Variants in DACH1 observed in about 807,000 individuals in gnomAD.
DACH1 encodes dachshund family transcription factor 1, also known as dachshund homolog 1.
Under a neutral mutation model 54.2 loss-of-function variants are expected in DACH1, and 12 were observed. The ratio of observed to expected loss-of-function variants is 0.22; its 90% CI spans 0.14 to 0.36. The LOEUF is 0.36. Ranked by LOEUF, DACH1 falls within the 10% of genes least tolerant of loss-of-function variation. The pLI, the probability that DACH1 is intolerant of heterozygous loss-of-function variation, is 1.00. For synonymous variants in DACH1, 386 were observed against 366.2 expected, an observed-to-expected ratio of 1.05 and a Z score of -0.62; for missense variants, 805 against 929.8, an observed-to-expected ratio of 0.87 and a Z score of 1.75.
intron 1 of DACH1, among the ~76,000 whole-genome samples, chr13:71,851,298 TGCTACA>T (rs1873644169): frequency 5.3e-5 from 8 of 152,226 alleles, no homozygotes; most frequent in Admixed American, 1.3e-4. Flanking sequence ...ACCTATTTAC[TGCTACA>T]GTTAAAACTC....
intron 1 of DACH1, among the ~76,000 whole-genome samples, chr13:71,832,111 T>G (rs1326188675): frequency 1.3e-5 from 2 of 151,958 alleles, no homozygotes; most frequent in African/African-American, 2.4e-5. Context: ...TTATTTCTAT[T>G]GAGAAGCATT....
At chr13:71,649,636 T>C (rs957329823) in intron 2 of DACH1, among the ~76,000 whole-genome samples, 1 of 152,124 alleles carries the variant, frequency 6.6e-6, no homozygotes, top group African/African-American at 2.4e-5. Context: ...TTTAAGATGA[T>C]GAAAACTAAA....
intron 6 of DACH1, among the ~76,000 whole-genome samples, chr13:71,510,432 T>C (rs1880689562): frequency 6.6e-6 from 1 of 152,006 alleles, no homozygotes; most frequent in Non-Finnish European, 1.5e-5. Flanking sequence ...CACTTCATTA[T>C]CCAATCCCAC....
Position 71,704,027 on chromosome 13 carries a change from T to C in DACH1, c.849-22117A>G, listed in dbSNP as rs536909252. ...GAGTGATAAAAATTCACTTTCAAAC[T>C]ACTTAATGATGACATTTCATCTCTT... On this transcript the variant is annotated intron_variant, in intron 1 of 10. Coordinates refer to ENST00000613252, the MANE Select transcript of DACH1 (RefSeq NM_080759.6). Among the ~76,000 whole-genome samples, 60 of 152,312 alleles carry C rather than the reference T, an allele frequency of 3.9e-4. 1 individual carries two copies. The East Asian group carries it at 8.3e-3, about 21-fold the overall frequency.
chr13:71,517,759 G>C (rs955392433), intron 6 of DACH1, among the ~76,000 whole-genome samples: 3 of 151,796 alleles, frequency 2.0e-5, no homozygotes, highest in African/African-American at 7.3e-5. Context: ...CTTATTCCTG[G>C]AGTTAAAAGC....
At chr13:71,614,624 C>T (rs1875613813) in intron 3 of DACH1, among the ~76,000 whole-genome samples, 1 of 152,056 alleles carries the variant, frequency 6.6e-6, no homozygotes, top group South Asian at 2.1e-4. Context: ...GAGGCCAAGG[C>T]AGGAGGATCA....
intron 1 of DACH1, among the ~76,000 whole-genome samples, chr13:71,849,732 G>C (rs1873537819): frequency 6.6e-6 from 1 of 152,194 alleles, no homozygotes; most frequent in South Asian, 2.1e-4. Context: ...ACTAGAGACA[G>C]ATGGAGCAGA....
intron 10 of DACH1, among the ~76,000 whole-genome samples, chr13:71,451,445 A>G (rs1875049667): frequency 6.6e-6 from 1 of 152,088 alleles, no homozygotes; most frequent in African/African-American, 2.4e-5. Flanking sequence ...AAATATATGG[A>G]AGGAACTATC....
intron 6 of DACH1, among the ~76,000 whole-genome samples, chr13:71,544,084 C>T (rs941857233): frequency 5.3e-5 from 8 of 152,100 alleles, no homozygotes; most frequent in African/African-American, 1.9e-4. Context: ...TAGTGATTTA[C>T]CACATATCTT....
chr13:71,573,664 A>G, intron 3 of DACH1: 1 of 436,742 alleles, frequency 2.3e-6, no homozygotes. Context: ...AAAATGTATC[A>G]CATTTGGAGT....
intron 1 of DACH1, among the ~76,000 whole-genome samples, chr13:71,695,486 A>C (rs1881778695): frequency 1.3e-5 from 2 of 152,180 alleles, no homozygotes; most frequent in Admixed American, 6.5e-5. Flanking sequence ...ACCTAAAGAC[A>C]AAAAAAGCAT....
chr13:71,787,006 A>C (rs1886620478), intron 1 of DACH1, among the ~76,000 whole-genome samples: 1 of 152,184 alleles, frequency 6.6e-6, no homozygotes, highest in South Asian at 2.1e-4. Flanking sequence ...GAGAAAATGC[A>C]ATTAAGGTTC....
chr13:71,478,236 C>T (rs370154092), intron 8 of DACH1, among the ~76,000 whole-genome samples: 1 of 152,124 alleles, frequency 6.6e-6, no homozygotes, highest in African/African-American at 2.4e-5. Context: ...CTATGTGAAG[C>T]CACATTATTT....
Position 71,608,050 on chromosome 13 carries a change from T to A in DACH1, c.1126+22506A>T, listed in dbSNP as rs183795846. ...GAATTAGGCATATTAGTAATAGAGA[T>A]TACAATGTGTATATATATATATATA... On this transcript the variant is annotated intron_variant, in intron 3 of 10. Coordinates refer to ENST00000613252, the MANE Select transcript of DACH1 (RefSeq NM_080759.6). Among the ~76,000 whole-genome samples the A allele has an allele frequency of 1.3e-3, 189 of 145,554 alleles. 2 individuals carry two copies. The East Asian group carries it at 0.03, about 23-fold the overall frequency.
At chr13:71,690,794 T>G (rs2138722439) in intron 1 of DACH1, among the ~76,000 whole-genome samples, 1 of 152,112 alleles carries the variant, frequency 6.6e-6, no homozygotes, top group South Asian at 2.1e-4. Flanking sequence ...TAGCTGGGCA[T>G]GGTGGTGCAT....
intron 1 of DACH1, among the ~76,000 whole-genome samples, chr13:71,728,287 T>C (rs1883566664): frequency 6.6e-6 from 1 of 152,050 alleles, no homozygotes; most frequent in East Asian, 1.9e-4. Context: ...GCCAAAACTA[T>C]GATCATATCT....
chr13:71,508,550 T>A (rs1335263796), intron 6 of DACH1, among the ~76,000 whole-genome samples: 1 of 151,936 alleles, frequency 6.6e-6, no homozygotes, highest in Non-Finnish European at 1.5e-5. Context: ...CACTGCAGCC[T>A]CAACTTCCTA....
Position 71,557,123 on chromosome 13 carries a change from G to A in DACH1, c.1471C>T (p.Leu491=). The change falls in exon 6 of 11, where the codon CTG becomes TTG. Residue 491 remains leucine (L), a synonymous_variant. Coordinates refer to ENST00000613252, the MANE Select transcript of DACH1 (RefSeq NM_080759.6). The part of the protein sequence containing the change: ...HQNGLSMNQM[L]MGLSPNVLPG... ...AGTACATTTGGTGATAAGCCCATCAGCATCTGGTTCATGGACAACCCATTC... is the reference window on the plus strand; with the variant it reads ...AGTACATTTGGTGATAAGCCCATCAACATCTGGTTCATGGACAACCCATTC... 6.2e-7 allele frequency: 1 copy of A among 1,611,888 alleles called. No homozygotes were observed. Among genetic ancestry groups the A allele is most frequent in the Non-Finnish European group, 8.5e-7 (1 of 1,179,080 alleles).
intron 1 of DACH1, among the ~76,000 whole-genome samples, chr13:71,804,375 G>T (rs1438367481): frequency 6.6e-6 from 1 of 152,024 alleles, no homozygotes; most frequent in Non-Finnish European, 1.5e-5. Flanking sequence ...ATGCACCCAA[G>T]ACATTCCTCC....
Sources: gnomAD v4.1 joint callset for allele counts (sites outside exome capture counted in the v4.1 genomes callset) on GRCh38, gnomAD v4.1.1 for gene constraint, MANE v1.5 for transcripts, NCBI Gene and HGNC (gene_info 2026-07-23, HGNC 2026-07-21) for gene names.